The following MAOB variants were observed in gnomAD, a reference collection of about 807,000 sequenced individuals.
MAOB encodes the protein amine oxidase [flavin-containing] B.
In MAOB, 15 loss-of-function variants were observed where a neutral mutation model predicts 41.9. The observed-to-expected ratio is 0.36, with a 90% CI of 0.24 to 0.55. The LOEUF is 0.55. MAOB is among the 20% of genes least tolerant of loss of function. The probability of loss-of-function intolerance (pLI) is 0.86; values close to 1 mark genes in which losing one functional copy is unlikely to be tolerated. For synonymous variants in MAOB, 167 were observed against 144.2 expected (o/e 1.16, Z -1.13); for missense variants, 345 against 398.7 (o/e 0.87, Z 1.15).
At chrX:43,853,394 GAT>G (rs998825331) in intron 1 of MAOB, among the ~76,000 whole-genome samples, 1 of 109,964 alleles carries the variant, frequency 9.1e-6, no homozygotes, top group African/African-American at 3.3e-5. Flanking sequence ...GTACACCAAA[GAT>G]AGGCCCGGGG....
At chrX:43,850,160 G>A (rs2035240487) in intron 1 of MAOB, among the ~76,000 whole-genome samples, 1 of 112,079 alleles carries the variant, frequency 8.9e-6, no homozygotes, top group African/African-American at 3.2e-5. Flanking sequence ...GCAGAGCTAG[G>A]TCTGAAACCT....
Position 43,803,413 on chromosome X carries a change from T to C in MAOB, c.280-9A>G. Reference sequence around the variant, plus strand: ...AAGGGGTATGATTTGCCCTGTGAGATACAAGATATTTTTAAAAGGAAATAT... The same window carrying C: ...AAGGGGTATGATTTGCCCTGTGAGACACAAGATATTTTTAAAAGGAAATAT... On this transcript the variant is annotated splice_polypyrimidine_tract_variant and intron_variant, in intron 3 of 14. Coordinates refer to ENST00000378069, the MANE Select transcript of MAOB (RefSeq NM_000898.5). 1 of 1,165,860 alleles carries C rather than the reference T, an allele frequency of 8.6e-7. No homozygotes were observed. The highest frequency in any genetic ancestry group is 2.1e-5 in the South Asian group (1 of 48,300).
chrX:43,881,223 G>A (rs1235337102), intron 1 of MAOB, among the ~76,000 whole-genome samples: 1 of 113,291 alleles, frequency 8.8e-6, no homozygotes, highest in Non-Finnish European at 1.9e-5. Flanking sequence ...CCAGCCACAG[G>A]AGAGTCAGAA....
At chrX:43,778,263 C>A (rs1601966111) in intron 11 of MAOB, among the ~76,000 whole-genome samples, 2 of 110,759 alleles carry the variant, frequency 1.8e-5, no homozygotes, top group South Asian at 7.9e-4. Context: ...CTGAGTGAGA[C>A]TCTGTCCTTC....
chrX:43,854,490 C>T (rs917805624), intron 1 of MAOB, among the ~76,000 whole-genome samples: 19 of 110,965 alleles, frequency 1.7e-4, no homozygotes, highest in African/African-American at 5.3e-4. Flanking sequence ...GGGAGGGAAA[C>T]ATCACACACC....
chrX:43,812,423 G>A (rs1475473568), intron 3 of MAOB, among the ~76,000 whole-genome samples: 1 of 111,796 alleles, frequency 8.9e-6, no homozygotes, highest in African/African-American at 3.3e-5. Context: ...ACTTCCAAAT[G>A]GTTCTCCATA....
intron 5 of MAOB, 114 bp downstream of exon 5, chrX:43,802,058 G>T (rs762943496): frequency 3.5e-6 from 2 of 577,653 alleles, no homozygotes; most frequent in East Asian, 3.6e-5. Flanking sequence ...CCACTGGCTG[G>T]TGGTGTGGTT....
chrX:43,846,510 TA>T (rs1279180484), intron 1 of MAOB, among the ~76,000 whole-genome samples: 1 of 111,530 alleles, frequency 9.0e-6, no homozygotes, highest in Non-Finnish European at 1.9e-5. Flanking sequence ...CTAATGTTCA[TA>T]GGGGGTAGTC....
At chrX:43,844,636 G>A (rs1308635001) in intron 1 of MAOB, 2 of 112,365 alleles carry the variant, frequency 1.8e-5, no homozygotes, top group African/African-American at 3.2e-5. Flanking sequence ...CAATCCAATC[G>A]GCTGGGGCCC....
At chrX:43,874,151 AAACT>A (rs1286067402) in intron 1 of MAOB, among the ~76,000 whole-genome samples, 2 of 112,208 alleles carry the variant, frequency 1.8e-5, no homozygotes, top group East Asian at 5.6e-4. Flanking sequence ...CCCAATGATA[AAACT>A]TTGGAGGGAA....
intron 3 of MAOB, among the ~76,000 whole-genome samples, chrX:43,830,555 TA>T (rs1275132279): frequency 2.5e-4 from 28 of 112,061 alleles, no homozygotes; most frequent in African/African-American, 8.4e-4. Context: ...AGCCTACCAA[TA>T]ACACAGAAGA....
intron 1 of MAOB, among the ~76,000 whole-genome samples, chrX:43,859,255 G>A (rs768026102): frequency 9.0e-6 from 1 of 110,921 alleles, no homozygotes; most frequent in East Asian, 2.8e-4. Flanking sequence ...TTTTTCTGTC[G>A]ATAACATTTT....
intron 1 of MAOB, among the ~76,000 whole-genome samples, chrX:43,853,192 C>T (rs1011267438): frequency 6.1e-5 from 6 of 98,652 alleles, no homozygotes; most frequent in East Asian, 3.4e-4. Context: ...GGCGTGAACC[C>T]GGGAGGCGGA....
intron 8 of MAOB, among the ~76,000 whole-genome samples, chrX:43,786,442 C>G (rs2034400557): frequency 9.0e-6 from 1 of 111,711 alleles, no homozygotes; most frequent in South Asian, 3.8e-4. Flanking sequence ...GCACCCCTCC[C>G]CACTGTGCAC....
At chrX:43,863,895 T>C (rs1028701786) in intron 1 of MAOB, among the ~76,000 whole-genome samples, 18 of 111,865 alleles carry the variant, frequency 1.6e-4, no homozygotes, top group African/African-American at 4.9e-4. Flanking sequence ...AATGATCAGA[T>C]TGGGAGATGG....
intron 4 of MAOB, 54 bp from the exon 5 acceptor site, chrX:43,802,317 T>C (rs941786646): frequency 2.5e-6 from 2 of 806,181 alleles, no homozygotes; most frequent in African/African-American, 4.2e-5. Flanking sequence ...TTCTCTTTTA[T>C]TTTATTCATT....
chrX:43,882,122 G>A, intron 1 of MAOB, 132 bp downstream of exon 1: 2 of 1,078,273 alleles, frequency 1.9e-6, no homozygotes, highest in East Asian at 7.3e-5. Context: ...ACCCACTAGA[G>A]CCCTGCCCGT....
rs1292835024 is a variant in MAOB, at chrX:43,789,935, G to A, written c.928+3484C>T. Among the ~76,000 whole-genome samples the A allele has an allele frequency of 3.6e-5, 4 of 111,913 alleles. No homozygotes were observed. The East Asian group carries it at 8.4e-4, about 24-fold the overall frequency. The stretch of plus-strand genomic sequence containing the variant: ...GTTTAGCATGATGCTGGGATTGGGT[G>A]GGGGGTGTGGAGGGGAGAAGCAATC... On this transcript the variant is annotated intron_variant, in intron 8 of 14. Transcript: ENST00000378069.
chrX:43,829,925 G>A (rs1419917167), intron 3 of MAOB, among the ~76,000 whole-genome samples: 2 of 111,693 alleles, frequency 1.8e-5, no homozygotes, highest in Admixed American at 9.5e-5. Context: ...TGCCTGGTCC[G>A]AATTGAGATA....
Sources: gnomAD v4.1 joint callset for allele counts (sites outside exome capture counted in the v4.1 genomes callset) on GRCh38, gnomAD v4.1.1 for gene constraint, MANE v1.5 for transcripts, NCBI Gene and HGNC (gene_info 2026-07-23, HGNC 2026-07-21) for gene names.